The following KCNK13 variants were observed in gnomAD, a reference collection of about 807,000 sequenced individuals.
The protein encoded by KCNK13 is potassium two pore domain channel subfamily K member 13.
A neutral mutation model predicts 23.4 loss-of-function variants in KCNK13; 12 were observed. The observed-to-expected ratio is 0.51, with a 90% CI of 0.33 to 0.83. KCNK13 has a LOEUF of 0.83. Ranked by LOEUF, KCNK13 falls within the 40% of genes least tolerant of loss-of-function variation. The pLI, the probability that KCNK13 is intolerant of heterozygous loss-of-function variation, is 0.02. For synonymous variants in KCNK13, 231 were observed against 229.5 expected, an observed-to-expected ratio of 1.01 and a Z score of -0.06; for missense variants, 463 against 556.3, an observed-to-expected ratio of 0.83 and a Z score of 1.69.
At chr14:90,147,669 C>T (rs1479382612) in intron 1 of KCNK13, among the ~76,000 whole-genome samples, 1 of 152,036 alleles carries the variant, frequency 6.6e-6, no homozygotes, top group Non-Finnish European at 1.5e-5. Flanking sequence ...CATCTCTGTC[C>T]ATGAGATATT....
At chr14:90,120,900 A>G (rs183893138) in intron 1 of KCNK13, among the ~76,000 whole-genome samples, 1 of 150,364 alleles carries the variant, frequency 6.7e-6, no homozygotes, top group African/African-American at 2.4e-5. Context: ...CTATGAGCCC[A>G]TGAAATCAAA....
chr14:90,108,565 C>T (rs182927024), intron 1 of KCNK13, among the ~76,000 whole-genome samples: 15 of 152,270 alleles, frequency 9.9e-5, no homozygotes, highest in African/African-American at 3.6e-4. Context: ...TGTTGTCCAC[C>T]TTGTCCTCTC....
At chr14:90,097,214 A>G (rs1005348309) in intron 1 of KCNK13, among the ~76,000 whole-genome samples, 6 of 152,138 alleles carry the variant, frequency 3.9e-5, no homozygotes, top group East Asian at 1.9e-4. Flanking sequence ...ATTTATAAAG[A>G]AAAGAGGTTT....
chr14:90,103,414 C>T (rs923561257), intron 1 of KCNK13, among the ~76,000 whole-genome samples: 9 of 152,200 alleles, frequency 5.9e-5, no homozygotes, highest in East Asian at 5.8e-4. Context: ...CAAGTGTTCC[C>T]GTTTCTCTGC....
chr14:90,158,937 G>C (rs993327190), intron 1 of KCNK13, among the ~76,000 whole-genome samples: 1 of 152,214 alleles, frequency 6.6e-6, no homozygotes, highest in Non-Finnish European at 1.5e-5. Context: ...GCACACTTGG[G>C]AGCTCCAGAA....
intron 1 of KCNK13, among the ~76,000 whole-genome samples, chr14:90,125,181 G>A (rs896392223): frequency 6.6e-6 from 1 of 151,636 alleles, no homozygotes; most frequent in African/African-American, 2.4e-5. Flanking sequence ...CTTCAAAGGA[G>A]TTCTTATCCT....
chr14:90,141,387 C>T (rs79684418), intron 1 of KCNK13, among the ~76,000 whole-genome samples: 47 of 152,346 alleles, frequency 3.1e-4, no homozygotes, highest in African/African-American at 1.1e-3. Flanking sequence ...CTGAAACCAT[C>T]TAAGCGATTT....
intron 1 of KCNK13, among the ~76,000 whole-genome samples, chr14:90,132,691 CAATGTGAATGTACTT>C (rs1201303854): frequency 2.0e-5 from 3 of 152,006 alleles, no homozygotes; most frequent in African/African-American, 7.2e-5. Context: ...GGTGGTTGTA[CAATGTGAATGTACTT>C]AATGCCACTG....
chr14:90,143,280 T>C (rs1171901939), intron 1 of KCNK13, among the ~76,000 whole-genome samples: 2 of 151,330 alleles, frequency 1.3e-5, no homozygotes, highest in Non-Finnish European at 2.9e-5. Flanking sequence ...TGATCTCGGC[T>C]GGCTGCAACC....
At position 90,091,928 on chromosome 14, in the gene KCNK13, C is replaced by CTT. The variant is rs753251792; in HGVS notation, c.334+29404_334+29405dup. Reference sequence around the variant, plus strand: ...AATTTCATTTTGGGAAAGAGAACTCCTTTTTTTTTTTTTTTTGAGACAGAG... The same window carrying CTT: ...AATTTCATTTTGGGAAAGAGAACTCCTTTTTTTTTTTTTTTTTTGAGACAGAG... On this transcript the variant is annotated intron_variant, in intron 1 of 1. Coordinates refer to ENST00000282146, the MANE Select transcript of KCNK13 (RefSeq NM_022054.4). Among the ~76,000 whole-genome samples, 88 of 135,696 alleles carry CTT rather than the reference C, an allele frequency of 6.5e-4. 1 individual carries two copies. The highest frequency in any genetic ancestry group is 1.4e-3 in the South Asian group (6 of 4,148). 89.0% of individuals were successfully genotyped at this position (135,696 alleles called of 152,430 possible).
At chr14:90,182,152 T>C (rs1351797578) in intron 1 of KCNK13, among the ~76,000 whole-genome samples, 2 of 152,234 alleles carry the variant, frequency 1.3e-5, no homozygotes, top group Non-Finnish European at 2.9e-5. Flanking sequence ...TCAAAAGCTA[T>C]ACTTGGTATC....
chr14:90,143,163 C>CTTTA (rs1890030468), intron 1 of KCNK13, among the ~76,000 whole-genome samples: 1 of 6,468 alleles, frequency 1.5e-4, no homozygotes, highest in South Asian at 8.2e-3. Context: ...TTCTTTCTTT[C>CTTTA]TTTCTTTCTT....
At chr14:90,068,771 C>G (rs1431128618) in intron 1 of KCNK13, among the ~76,000 whole-genome samples, 1 of 152,042 alleles carries the variant, frequency 6.6e-6, no homozygotes, top group African/African-American at 2.4e-5. Flanking sequence ...TAGGACAAGC[C>G]CTCCCATGCT....
intron 1 of KCNK13, among the ~76,000 whole-genome samples, chr14:90,104,874 C>T (rs1386478392): frequency 4.0e-5 from 6 of 149,648 alleles, no homozygotes; most frequent in Non-Finnish European, 8.9e-5. Flanking sequence ...ACTGCAACCT[C>T]TACCTCCCAG....
At position 90,062,403 on chromosome 14, in the gene KCNK13, G is replaced by C; in HGVS notation, c.198G>C (p.Leu66=). The C allele has an allele frequency of 6.5e-7, 1 of 1,546,626 alleles. No individual in the cohort carries two copies. Among genetic ancestry groups the C allele is most frequent in the Non-Finnish European group, 8.7e-7 (1 of 1,145,628 alleles). ...CCAACTTCAGCCGCGGCCACAACCT[G>C]AGCCGCGACGAGCTGCGCGGCTTCC... The part of the protein sequence containing the change: ...RLANFSRGHN[L]SRDELRGFLR... Residue 66 remains leucine, a synonymous_variant, in exon 1 of 2, where the codon CTG becomes CTC. Transcript: ENST00000282146. The surrounding 1 kb of genome is among the most constrained non-coding windows in gnomAD (Gnocchi z 4.5).
chr14:90,116,284 T>G (rs1889676185), intron 1 of KCNK13, among the ~76,000 whole-genome samples: 1 of 152,216 alleles, frequency 6.6e-6, no homozygotes, highest in African/African-American at 2.4e-5. Flanking sequence ...TAAATCTGTC[T>G]TCTGTCTGAA....
At chr14:90,156,499 A>G (rs1890196715) in intron 1 of KCNK13, among the ~76,000 whole-genome samples, 1 of 150,644 alleles carries the variant, frequency 6.6e-6, no homozygotes, top group Non-Finnish European at 1.5e-5. Flanking sequence ...ATGCCAGGCC[A>G]GGGTTTTGCA....
intron 1 of KCNK13, among the ~76,000 whole-genome samples, chr14:90,128,271 G>A (rs1889826416): frequency 6.6e-6 from 1 of 152,108 alleles, no homozygotes; most frequent in Admixed American, 6.5e-5. Flanking sequence ...TTTCTAAGCG[G>A]CAATTTACTT....
intron 1 of KCNK13, among the ~76,000 whole-genome samples, chr14:90,130,535 G>A (rs1484868248): frequency 1.3e-5 from 2 of 151,802 alleles, no homozygotes; most frequent in Non-Finnish European, 2.9e-5. Flanking sequence ...AGTGTTGGCC[G>A]GGCACAGTCG....
Sources: allele counts gnomAD v4.1 joint callset (sites outside exome capture counted in the v4.1 genomes callset), GRCh38; gene constraint gnomAD v4.1.1; non-coding constraint Gnocchi (gnomAD v3.1); transcripts MANE v1.5; gene names NCBI Gene and HGNC (gene_info 2026-07-23, HGNC 2026-07-21).